The following MANSC1 variants were observed in gnomAD, a reference collection of about 807,000 sequenced individuals.
MANSC1 encodes the protein MANSC domain containing 1.
Under a neutral mutation model 14.1 loss-of-function variants are expected in MANSC1, and 13 were observed. That is an observed-to-expected ratio of 0.92 (90% CI 0.60 to 1.46). The LOEUF (loss-of-function observed/expected upper bound fraction) is 1.46. MANSC1 is among the 40% of genes most tolerant of loss of function. The pLI is 0.00. For synonymous variants in MANSC1, 227 were observed against 200.7 expected, an observed-to-expected ratio of 1.13 and a Z score of -1.11; for missense variants, 486 against 511.4, an observed-to-expected ratio of 0.95 and a Z score of 0.48.
At chr12:12,338,803 C>T (rs1862894373) in intron 2 of MANSC1, 1 of 549,708 alleles carries the variant, frequency 1.8e-6, no homozygotes, top group Non-Finnish European at 3.2e-6. Context: ...GAAGGAAGCT[C>T]CTGTCCCTCC....
chr12:12,344,298 C>T (rs925463067), intron 1 of MANSC1, among the ~76,000 whole-genome samples: 9 of 151,906 alleles, frequency 5.9e-5, no homozygotes, highest in African/African-American at 9.7e-5. Context: ...AGTATTGATT[C>T]CGGGTGTGTC....
At chr12:12,338,917 A>ACACACACACACC (rs749773741) in intron 2 of MANSC1, 48 of 241,436 alleles carry the variant, frequency 2.0e-4, no homozygotes, top group African/African-American at 7.5e-4. Context: ...ACACACACAC[A>ACACACACACACC]CCCCTAAGAC....
In MANSC1 at chr12:12,330,777, C is replaced by T. The variant is rs755152139; in HGVS notation, c.546G>A (p.Leu182=). 6.2e-7 allele frequency: 1 copy of T among 1,614,128 alleles called. No individual in the cohort carries two copies. Among genetic ancestry groups the T allele is most frequent in the South Asian group, 1.1e-5 (1 of 91,082 alleles). ...CTTCATCCATCTTAAATAGTTTCTCCAAGTGATCTGAGGATCCAAACTTCT... is the reference window on the plus strand; with the variant it reads ...CTTCATCCATCTTAAATAGTTTCTCTAAGTGATCTGAGGATCCAAACTTCT... The part of the protein sequence containing the change: ...LSQKFGSSDH[L]EKLFKMDEAS... The change falls in exon 4 of 4, where the codon TTG becomes TTA. Residue 182 remains leucine, a synonymous_variant. Transcript: ENST00000535902.
intron 3 of MANSC1, 114 bp downstream of exon 3, chr12:12,338,306 A>C (rs1862884597): frequency 1.2e-6 from 1 of 855,404 alleles, no homozygotes; most frequent in Non-Finnish European, 1.7e-6. Context: ...AGATTTTCTG[A>C]TATGTCTGGT....
chr12:12,344,476 T>G (rs999499014), intron 1 of MANSC1, among the ~76,000 whole-genome samples: 1 of 110,018 alleles, frequency 9.1e-6, no homozygotes, highest in East Asian at 3.4e-4. Context: ...AGCCTATATC[T>G]TTTTTTTTTT....
At position 12,330,445 on chromosome 12, in the gene MANSC1, G is replaced by A. The variant is rs1300302603; in HGVS notation, c.878C>T (p.Thr293Ile). 1.2e-5 allele frequency: 20 copies of A among 1,614,102 alleles called. No individual in the cohort carries two copies. Among genetic ancestry groups the A allele is most frequent in the Non-Finnish European group, 1.6e-5 (19 of 1,180,036 alleles). Residue 293 changes from threonine to isoleucine, a missense_variant, in exon 4 of 4, where the codon ACA becomes ATA. By Grantham distance (89) the Thr-to-Ile change is moderately conservative. Coordinates refer to ENST00000535902, the MANE Select transcript of MANSC1 (RefSeq NM_018050.4). ...ISTVFTRAAA[T>I]LQAMATTAVL... ...TGCTGTTGTAGCCATTGCTTGGAGT[G>A]TAGCCGCAGCCCGTGTAAAAACTGT...
rs187762067 is a variant in MANSC1, at chr12:12,335,561, G to A, written c.364+2859C>T. 2.3e-3 allele frequency among the ~76,000 whole-genome samples: 347 copies of A among 149,934 alleles called. 3 individuals are homozygous for A. The highest frequency in any genetic ancestry group is 8.2e-3 in the African/African-American group (336 of 40,728). On this transcript the variant is annotated intron_variant, in intron 3 of 3. Transcript: ENST00000535902. ...TCACCATGTTGGCCAGGCTGGTCTCGAATTCCTGACGTTGTGATCTGCCCG... is the reference window on the plus strand; with the variant it reads ...TCACCATGTTGGCCAGGCTGGTCTCAAATTCCTGACGTTGTGATCTGCCCG...
At chr12:12,338,757 GC>G (rs1384255063) in intron 2 of MANSC1, 197 bp from the exon 3 acceptor site, 1 of 597,610 alleles carries the variant, frequency 1.7e-6, no homozygotes, top group African/African-American at 1.9e-5. Flanking sequence ...ATTGGGTTTA[GC>G]TTTTTTTTTT....
Position 12,343,387 on chromosome 12 carries a change from A to C in MANSC1, c.-73T>G. 1.0e-6 allele frequency: 1 copy of C among 982,644 alleles called. No individual in the cohort carries two copies. Among genetic ancestry groups the C allele is most frequent in the Non-Finnish European group, 1.6e-6 (1 of 635,682 alleles). 60.9% of individuals were successfully genotyped at this position (982,644 alleles called of 1,614,324 possible). ...CCCTCTGGTCTTAGTTTGCTTTAAGAAGGCTGCACAGATGATGAGATTTCT... is the reference window on the plus strand; with the variant it reads ...CCCTCTGGTCTTAGTTTGCTTTAAGCAGGCTGCACAGATGATGAGATTTCT... On this transcript the variant is annotated 5_prime_UTR_variant, in exon 2 of 4. Coordinates refer to ENST00000535902, the MANE Select transcript of MANSC1 (RefSeq NM_018050.4).
chr12:12,344,397 T>C (rs1862976213), intron 1 of MANSC1, among the ~76,000 whole-genome samples: 1 of 151,668 alleles, frequency 6.6e-6, no homozygotes, highest in African/African-American at 2.4e-5. Flanking sequence ...CACAACCAAA[T>C]CTGCTGCCAG....
intron 2 of MANSC1, among the ~76,000 whole-genome samples, chr12:12,340,184 T>C (rs963578626): frequency 6.6e-6 from 1 of 152,192 alleles, no homozygotes; most frequent in Non-Finnish European, 1.5e-5. Context: ...CTAGATTTGA[T>C]TTTGTCCTCC....
At chr12:12,334,875 C>T (rs1862837957) in intron 3 of MANSC1, among the ~76,000 whole-genome samples, 1 of 152,204 alleles carries the variant, frequency 6.6e-6, no homozygotes, top group Admixed American at 6.5e-5. Flanking sequence ...TTCCCTGGCA[C>T]ATGAACAAAA....
At chr12:12,347,342 G>A (rs149685183) in intron 1 of MANSC1, among the ~76,000 whole-genome samples, 3 of 152,208 alleles carry the variant, frequency 2.0e-5, no homozygotes, top group African/African-American at 4.8e-5. Flanking sequence ...AACAGGGTTC[G>A]TGCGCCGATG....
chr12:12,330,652 C>T lies in MANSC1; in HGVS notation c.671G>A (p.Ser224Asn), dbSNP rs144710635. The T allele has an allele frequency of 1.1e-5, 17 of 1,614,044 alleles. No homozygotes were observed. The highest frequency in any genetic ancestry group is 1.2e-5 in the Non-Finnish European group (14 of 1,180,024). Residue 224 changes from serine to asparagine, a missense_variant, in exon 4 of 4, where the codon AGT becomes AAT. Transcript: ENST00000535902. ...EIAHLLPENVSALPATVAVAS... is the reference protein window; with the variant it reads ...EIAHLLPENVNALPATVAVAS... ...AACTGCCACCGTAGCTGGGAGCGCA[C>T]TCACATTTTCAGGCAGCAGATGAGC...
rs1862964267 is a variant in MANSC1 at position 12,343,364 on chromosome 12, C to T, written c.-50G>A. The T allele has an allele frequency of 2.2e-6, 3 of 1,360,226 alleles. No individual in the cohort carries two copies. The East Asian group carries it at 7.0e-5, about 32-fold the overall frequency. The allele number at this position is 1,360,226 out of a possible 1,614,324, so 84.3% of individuals were successfully genotyped here. A position where few individuals can be genotyped will look rare whatever the true frequency, so the allele number is the denominator to read the frequency against. On this transcript the variant is annotated 5_prime_UTR_variant, in exon 2 of 4. Transcript: ENST00000535902. ...CTTCAAAGGTCAAGGATAATCCTCCCTCTGGTCTTAGTTTGCTTTAAGAAG... is the reference window on the plus strand; with the variant it reads ...CTTCAAAGGTCAAGGATAATCCTCCTTCTGGTCTTAGTTTGCTTTAAGAAG...
chr12:12,345,464 C>G (rs986825537), intron 1 of MANSC1, among the ~76,000 whole-genome samples: 6 of 152,176 alleles, frequency 3.9e-5, no homozygotes, highest in Middle Eastern at 3.4e-3. Context: ...AGCCAGTCAG[C>G]AGGAGGAATA....
chr12:12,335,536 T>C (rs183138843), intron 3 of MANSC1, among the ~76,000 whole-genome samples: 132 of 151,372 alleles, frequency 8.7e-4, no homozygotes, highest in Admixed American at 1.7e-3. Context: ...AGACGGGGTT[T>C]CACCATGTTG....
chr12:12,331,892 CAAT>C (rs1468683184), intron 3 of MANSC1, among the ~76,000 whole-genome samples: 1 of 152,078 alleles, frequency 6.6e-6, no homozygotes, highest in Non-Finnish European at 1.5e-5. Context: ...ATTTTGGAGC[CAAT>C]GTCATAGGTC....
chr12:12,342,975 GT>G, intron 2 of MANSC1, 116 bp downstream of exon 2: 1 of 723,128 alleles, frequency 1.4e-6, no homozygotes, highest in South Asian at 1.7e-5. Flanking sequence ...CAGTGATTTT[GT>G]CACTTATATT....
Sources: allele counts gnomAD v4.1 joint callset (sites outside exome capture counted in the v4.1 genomes callset), GRCh38; gene constraint gnomAD v4.1.1; transcripts MANE v1.5; gene names NCBI Gene and HGNC (gene_info 2026-07-23, HGNC 2026-07-21).